The following UGT1A4 variants were observed in gnomAD, a reference collection of about 807,000 sequenced individuals.
UGT1A4 encodes UDP glucuronosyltransferase family 1 member A4, also known as UDP-glucuronosyltransferase 1A4.
UGT1A4 carries 32 observed loss-of-function variants against 41.1 expected under a neutral mutation model. That is an observed-to-expected ratio of 0.78 (90% CI 0.59 to 1.05). UGT1A4 has a LOEUF of 1.05. Among genes scored for constraint, UGT1A4 ranks in the 50% least tolerant of loss-of-function variants. The pLI, the probability that UGT1A4 is intolerant of heterozygous loss-of-function variation, is 0.00. For missense variants in UGT1A4, 748 were observed against 677.4 expected, an observed-to-expected ratio of 1.10 and a Z score of -1.16; for synonymous variants, 283 against 265.1, an observed-to-expected ratio of 1.07 and a Z score of -0.66.
At chr2:233,724,972 G>A (rs897028674) in intron 1 of UGT1A4, among the ~76,000 whole-genome samples, 4 of 135,404 alleles carry the variant, frequency 3.0e-5, no homozygotes, top group South Asian at 2.5e-4. Context: ...CGAGGTTGGC[G>A]GATCACTCGC....
At chr2:233,765,695 ATAATAATAATAATAAT>A (rs1033390367) in intron 1 of UGT1A4, among the ~76,000 whole-genome samples, 7 of 145,802 alleles carry the variant, frequency 4.8e-5, no homozygotes, top group Admixed American at 1.4e-4. Flanking sequence ...CTTCAAGTAA[ATAATAATAATAATAAT>A]TAATAATAAT....
rs779656703 is a variant in UGT1A4, at chr2:233,718,800, C to T, written c.-21C>T. 8 of 1,613,106 alleles carry T rather than the reference C, an allele frequency of 5.0e-6. No individual in the cohort carries two copies. The highest frequency in any genetic ancestry group is 4.0e-5 in the African/African-American group (3 of 74,896). ...GGCACAGCGTGGGGTGGACAGTCAG[C>T]TGTCGGTGGCTTCTGCTGAGATGGC... On this transcript the variant is annotated 5_prime_UTR_variant, in exon 1 of 5. Coordinates refer to ENST00000373409, the MANE Select transcript of UGT1A4 (RefSeq NM_007120.3).
chr2:233,745,515 T>C (rs1256648631), intron 1 of UGT1A4, among the ~76,000 whole-genome samples: 1 of 151,514 alleles, frequency 6.6e-6, no homozygotes, highest in African/African-American at 2.4e-5. Flanking sequence ...GGGTATTAGG[T>C]CTAATGGGGA....
At chr2:233,742,757 A>G (rs968540830) in intron 1 of UGT1A4, 1 of 153,060 alleles carries the variant, frequency 6.5e-6, no homozygotes, top group African/African-American at 2.4e-5. Flanking sequence ...AAATATTAAG[A>G]TAATAAATGC....
chr2:233,743,812 G>C (rs1692526779), intron 1 of UGT1A4: 1 of 1,367,182 alleles, frequency 7.3e-7, no homozygotes, highest in African/African-American at 1.5e-5. Flanking sequence ...TGTTCTCAGG[G>C]TTTTTGTCGG....
At chr2:233,757,560 A>ATATATATATATATATATATATG (rs904896556) in intron 1 of UGT1A4, among the ~76,000 whole-genome samples, 6 of 123,150 alleles carry the variant, frequency 4.9e-5, no homozygotes, top group African/African-American at 2.0e-4. Flanking sequence ...ATATATATAT[A>ATATATATATATATATATATATG]TGTATATATG....
At position 233,757,547 on chromosome 2, in the gene UGT1A4, T is replaced by TAC. The variant is rs1452370067; in HGVS notation, c.868-9486_868-9485insCA. Among the ~76,000 whole-genome samples, 65 of 133,940 alleles carry TAC rather than the reference T, an allele frequency of 4.9e-4. 6 individuals carry two copies. The highest frequency in any genetic ancestry group is 6.5e-4 in the Admixed American group (9 of 13,854). The allele number at this position is 133,940 out of a possible 152,430, so 87.9% of individuals were successfully genotyped here. On this transcript the variant is annotated intron_variant, in intron 1 of 4. Coordinates refer to ENST00000373409, the MANE Select transcript of UGT1A4 (RefSeq NM_007120.3). Reference sequence around the variant, plus strand: ...CTTGCCTGTAAGGAATATATATATATATATATATATATATGTATATATGAT... The same window carrying TAC: ...CTTGCCTGTAAGGAATATATATATATACATATATATATATATGTATATATGAT...
intron 1 of UGT1A4, among the ~76,000 whole-genome samples, chr2:233,744,391 C>A (rs1383619511): frequency 6.6e-6 from 1 of 151,826 alleles, no homozygotes; most frequent in Non-Finnish European, 1.5e-5. Flanking sequence ...ACGTTCCAGC[C>A]CCGGTGCCCA....
At position 233,766,967 on chromosome 2, in the gene UGT1A4, A is replaced by G. The variant is rs907752763; in HGVS notation, c.868-67A>G. The G allele has an allele frequency of 1.5e-5, 24 of 1,609,126 alleles. No homozygotes were observed. The African/African-American group carries it at 3.1e-4, about 21-fold the overall frequency. On this transcript the variant is annotated intron_variant, in intron 1 of 4. Coordinates refer to ENST00000373409, the MANE Select transcript of UGT1A4 (RefSeq NM_007120.3). Reference sequence around the variant, plus strand: ...TTAAGAGGAAGATATCTAATTCATAACTTACTGTATGTAGTCATCAAAGAA... The same window carrying G: ...TTAAGAGGAAGATATCTAATTCATAGCTTACTGTATGTAGTCATCAAAGAA...
At chr2:233,747,812 C>A (rs1693783784) in intron 1 of UGT1A4, 1 of 1,613,462 alleles carries the variant, frequency 6.2e-7, no homozygotes, top group Non-Finnish European at 8.5e-7. Context: ...TACTAACGAC[C>A]AATTCAGACC....
chr2:233,729,723 A>C (rs563184062), intron 1 of UGT1A4: 21 of 1,613,942 alleles, frequency 1.3e-5, no homozygotes, highest in Non-Finnish European at 1.7e-5. Flanking sequence ...GATTACTAAC[A>C]ACCAATTCAG....
intron 1 of UGT1A4, chr2:233,747,993 T>G: frequency 6.2e-7 from 1 of 1,613,560 alleles, no homozygotes; most frequent in Non-Finnish European, 8.5e-7. Context: ...CCGAGGGGAC[T>G]TTGTGATGGA....
At chr2:233,754,618 C>T (rs1695535805) in intron 1 of UGT1A4, 1 of 438,776 alleles carries the variant, frequency 2.3e-6, no homozygotes, top group Admixed American at 2.6e-5. Context: ...CCATCTTCCT[C>T]CACTTCCACC....
chr2:233,767,705 C>T, intron 2 of UGT1A4, 144 bp from the exon 3 acceptor site: 1 of 1,520,160 alleles, frequency 6.6e-7, no homozygotes, highest in Non-Finnish European at 8.8e-7. Context: ...TGCCAGTCCT[C>T]AGAAGCCTTC....
At chr2:233,721,529 G>A (rs537602053) in intron 1 of UGT1A4, 34 of 169,694 alleles carry the variant, frequency 2.0e-4, no homozygotes, top group Non-Finnish European at 3.5e-4. Context: ...TTCTTCCAGA[G>A]CCATAGGTAA....
intron 1 of UGT1A4, among the ~76,000 whole-genome samples, chr2:233,723,530 T>TC (rs1471912682): frequency 8.7e-6 from 1 of 114,776 alleles, no homozygotes; most frequent in African/African-American, 3.5e-5. Context: ...TTTTTTTTTT[T>TC]TTTTTTAATT....
chr2:233,771,572 T>G (rs1700331696), intron 4 of UGT1A4: 1 of 152,318 alleles, frequency 6.6e-6, no homozygotes, highest in Admixed American at 6.5e-5. Context: ...CAGAGGTGGT[T>G]GTTTACAACT....
intron 1 of UGT1A4, among the ~76,000 whole-genome samples, chr2:233,722,425 T>G (rs1224691160): frequency 6.6e-6 from 1 of 152,236 alleles, no homozygotes; most frequent in African/African-American, 2.4e-5. Context: ...ATGGATAGGT[T>G]GAATTATTTG....
At chr2:233,764,795 T>C (rs148070412) in intron 1 of UGT1A4, among the ~76,000 whole-genome samples, 7 of 152,082 alleles carry the variant, frequency 4.6e-5, no homozygotes, top group Non-Finnish European at 7.4e-5. Flanking sequence ...CCTCAGGGTG[T>C]TCTTGCTACA....
Sources: gnomAD v4.1 joint callset for allele counts (sites outside exome capture counted in the v4.1 genomes callset) on GRCh38, gnomAD v4.1.1 for gene constraint, MANE v1.5 for transcripts, NCBI Gene and HGNC (gene_info 2026-07-23, HGNC 2026-07-21) for gene names.